Variants in ASAP1 observed in about 807,000 individuals in gnomAD.
ASAP1 encodes arf-GAP with SH3 domain, ANK repeat and PH domain-containing protein 1.
Under a neutral mutation model 145.2 loss-of-function variants are expected in ASAP1, and 43 were observed. The ratio of observed to expected loss-of-function variants is 0.30; its 90% confidence interval spans 0.23 to 0.38. The LOEUF is 0.38. Ranked by LOEUF, ASAP1 falls within the 10% of genes least tolerant of loss-of-function variation. ASAP1 has a pLI of 1.00. For missense variants in ASAP1, 1,018 were observed against 1,355.3 expected, an observed-to-expected ratio of 0.75 and a Z score of 3.91; for synonymous variants, 546 against 515.5, an observed-to-expected ratio of 1.06 and a Z score of -0.80.
At chr8:130,134,402 A>T in intron 14 of ASAP1, 58 bp from the exon 15 acceptor site, 1 of 1,136,034 alleles carries the variant, frequency 8.8e-7, no homozygotes, top group South Asian at 1.6e-5. Context: ...ACTTTCAGGT[A>T]CAACACAGAT....
In ASAP1 at chr8:130,358,694, G is replaced by GCCCCGCCCCCCCGGTCCCT. The variant is rs1554893037; in HGVS notation, c.60-570_60-552dup. 8.4e-5 allele frequency among the ~76,000 whole-genome samples: 9 copies of GCCCCGCCCCCCCGGTCCCT among 107,582 alleles called. No homozygotes were observed. The highest frequency in any genetic ancestry group is 2.7e-4 in the African/African-American group (8 of 29,314). The allele number at this position is 107,582 out of a possible 152,430, so 70.6% of individuals were successfully genotyped here. A position where few individuals can be genotyped will look rare whatever the true frequency, so the allele number is the denominator to read the frequency against. Reference sequence around the variant, plus strand: ...GCTCTGCGCACGCGCGCCGCCCCCAGCCCCGCCCCCCCGGTCCCTCCCCGC... The same window carrying GCCCCGCCCCCCCGGTCCCT: ...GCTCTGCGCACGCGCGCCGCCCCCAGCCCCGCCCCCCCGGTCCCTCCCCGCCCCCCCGGTCCCTCCCCGC... On this transcript the variant is annotated intron_variant, in intron 2 of 29. Coordinates refer to ENST00000518721, the MANE Select transcript of ASAP1 (RefSeq NM_018482.4). This position sits in a 1 kb window ranked among gnomAD's most constrained non-coding sequence, Gnocchi z 4.1.
chr8:130,343,148 T>C (rs75098496), intron 3 of ASAP1, among the ~76,000 whole-genome samples: 3,098 of 152,308 alleles, frequency 0.02, 101 homozygotes, highest in African/African-American at 0.069. Flanking sequence ...ATTTCCCCTT[T>C]TCATAGTGAA....
chr8:130,156,933 C>T (rs1401839845), intron 12 of ASAP1, among the ~76,000 whole-genome samples: 1 of 152,176 alleles, frequency 6.6e-6, no homozygotes, highest in Non-Finnish European at 1.5e-5. Context: ...TTAGGCAATT[C>T]TAATTTCAAG....
chr8:130,370,982 C>T (rs1207036576), intron 2 of ASAP1, among the ~76,000 whole-genome samples: 1 of 152,134 alleles, frequency 6.6e-6, no homozygotes, highest in Admixed American at 6.6e-5. Flanking sequence ...GGTGATAGTT[C>T]TATCATTTTG....
intron 2 of ASAP1, among the ~76,000 whole-genome samples, chr8:130,379,601 T>C (rs1827670480): frequency 1.3e-5 from 2 of 152,170 alleles, no homozygotes; most frequent in Non-Finnish European, 2.9e-5. Context: ...TTGTTGAACA[T>C]GTAGTTCGGG....
chr8:130,075,391 C>G (rs2097460048), intron 27 of ASAP1, among the ~76,000 whole-genome samples: 1 of 152,186 alleles, frequency 6.6e-6, no homozygotes, highest in South Asian at 2.1e-4. Flanking sequence ...CACTGAAGAA[C>G]TCTAGAGAGT....
chr8:130,425,858 G>A (rs1181473129), intron 1 of ASAP1, among the ~76,000 whole-genome samples: 1 of 152,166 alleles, frequency 6.6e-6, no homozygotes, highest in Non-Finnish European at 1.5e-5. Flanking sequence ...CCCTACAATG[G>A]CCAAGGTAGA....
intron 12 of ASAP1, among the ~76,000 whole-genome samples, chr8:130,157,719 CCTGA>C (rs1341173798): frequency 2.6e-5 from 4 of 152,254 alleles, no homozygotes; most frequent in East Asian, 3.9e-4. Flanking sequence ...GATGCATGCT[CCTGA>C]CTACTTCCTC....
chr8:130,197,043 G>A (rs1815542849), intron 5 of ASAP1, among the ~76,000 whole-genome samples: 1 of 152,200 alleles, frequency 6.6e-6, no homozygotes, highest in South Asian at 2.1e-4. Context: ...CATCACTCCC[G>A]GCCTGCGTGA....
At chr8:130,368,254 CAT>C (rs1466771869) in intron 2 of ASAP1, among the ~76,000 whole-genome samples, 1 of 152,154 alleles carries the variant, frequency 6.6e-6, no homozygotes, top group East Asian at 1.9e-4. Flanking sequence ...TTTTCAATAT[CAT>C]ATTATTTTCA....
Position 130,111,976 on chromosome 8 carries a change from C to A in ASAP1, c.2401+118G>T, listed in dbSNP as rs535701693. ...TCAAGCTGCTCCTGACAACACGATC[C>A]GCGCCACTCAAATGTACCTTGCAAT... On this transcript the variant is annotated intron_variant, in intron 24 of 29. Transcript: ENST00000518721. The A allele has an allele frequency of 4.1e-6, 4 of 972,934 alleles. No homozygotes were observed. In the South Asian group the frequency reaches 6.2e-5, roughly 15 times the overall value. The allele number at this position is 972,934 out of a possible 1,614,324, so 60.3% of individuals were successfully genotyped here.
At chr8:130,397,629 A>G (rs1321030084) in intron 2 of ASAP1, among the ~76,000 whole-genome samples, 13 of 152,256 alleles carry the variant, frequency 8.5e-5, no homozygotes, top group Admixed American at 7.2e-4. Flanking sequence ...TCTTAGTGCC[A>G]GTTAAGCAAA....
At chr8:130,080,408 G>A (rs2097476383) in intron 25 of ASAP1, among the ~76,000 whole-genome samples, 1 of 152,020 alleles carries the variant, frequency 6.6e-6, no homozygotes, top group Non-Finnish European at 1.5e-5. Flanking sequence ...CCATTAGCAG[G>A]GTGGTGGATA....
At position 130,314,127 on chromosome 8, in the gene ASAP1, T is replaced by A. The variant is rs546825581; in HGVS notation, c.186+43890A>T. On this transcript the variant is annotated intron_variant, in intron 3 of 29. Transcript: ENST00000518721. ...GAAAAGGCCATTTTTAAGAAAACAA[T>A]CATGCAAGGCTCTCACTTGGGGTCA... 2.4e-4 allele frequency among the ~76,000 whole-genome samples: 36 copies of A among 152,302 alleles called. No individual in the cohort carries two copies. The South Asian group carries it at 7.0e-3, about 30-fold the overall frequency.
intron 5 of ASAP1, among the ~76,000 whole-genome samples, chr8:130,198,415 C>T (rs1399550088): frequency 1.3e-5 from 2 of 152,100 alleles, no homozygotes; most frequent in African/African-American, 4.8e-5. Context: ...ACTTTTAAGG[C>T]TGGGATGGGG....
intron 1 of ASAP1, among the ~76,000 whole-genome samples, chr8:130,411,703 T>A (rs1456486001): frequency 6.6e-6 from 1 of 152,140 alleles, no homozygotes; most frequent in East Asian, 1.9e-4. Context: ...AGGTGTACAA[T>A]GAACAACTGC....
chr8:130,380,055 TCTC>T (rs1338742677), intron 2 of ASAP1, among the ~76,000 whole-genome samples: 1 of 152,092 alleles, frequency 6.6e-6, no homozygotes, highest in Non-Finnish European at 1.5e-5. Context: ...GGACAGGCCC[TCTC>T]CTCCTACTAA....
chr8:130,315,883 C>T (rs1479192711), intron 3 of ASAP1, among the ~76,000 whole-genome samples: 2 of 152,184 alleles, frequency 1.3e-5, no homozygotes, highest in Admixed American at 6.5e-5. Context: ...CTTGGTAATA[C>T]AGCTACTAGC....
intron 19 of ASAP1, 111 bp from the exon 20 acceptor site, chr8:130,118,357 C>A: frequency 7.5e-7 from 1 of 1,327,706 alleles, no homozygotes; most frequent in Non-Finnish European, 1.0e-6. Context: ...TCTTCACTCT[C>A]ATATTCTCTT....
Sources: gnomAD v4.1 joint callset for allele counts (sites outside exome capture counted in the v4.1 genomes callset) on GRCh38, gnomAD v4.1.1 for gene constraint, Gnocchi (gnomAD v3.1) non-coding constraint, MANE v1.5 for transcripts, NCBI Gene and HGNC (gene_info 2026-07-23, HGNC 2026-07-21) for gene names.